HDDC2: variants seen among roughly 807,000 people sequenced by gnomAD.
The protein encoded by HDDC2 is HD domain containing 2, also known as 5'-deoxynucleotidase HDDC2.
HDDC2 carries 25 observed loss-of-function variants against 25.5 expected under a neutral mutation model. That is an observed-to-expected ratio of 0.98 (90% CI 0.72 to 1.37). HDDC2 has a LOEUF of 1.37. Ranked by LOEUF, HDDC2 falls within the 40% of genes most tolerant of loss-of-function variation. The probability of loss-of-function intolerance (pLI) is 0.00; values close to 1 mark genes in which losing one functional copy is unlikely to be tolerated. For missense variants in HDDC2, 264 were observed against 253.1 expected, an observed-to-expected ratio of 1.04 and a Z score of -0.29; for synonymous variants, 106 against 89.7, an observed-to-expected ratio of 1.18 and a Z score of -1.03.
intron 4 of HDDC2, among the ~76,000 whole-genome samples, chr6:125,288,388 C>T (rs776565926): frequency 6.6e-6 from 1 of 152,126 alleles, no homozygotes; most frequent in African/African-American, 2.4e-5. Flanking sequence ...GTCCCCACGG[C>T]ACAGAGTCTC....
chr6:125,291,791 C>G (rs956060028), intron 4 of HDDC2, among the ~76,000 whole-genome samples: 1 of 152,172 alleles, frequency 6.6e-6, no homozygotes, highest in African/African-American at 2.4e-5. Flanking sequence ...TTGCACCACA[C>G]CTGAATGCCT....
At chr6:125,301,173 T>C (rs1798796039) in intron 1 of HDDC2, among the ~76,000 whole-genome samples, 1 of 152,170 alleles carries the variant, frequency 6.6e-6, no homozygotes. Context: ...ACTGCATTTC[T>C]TCCTCAGAAT....
At chr6:125,300,238 A>G in intron 2 of HDDC2, 1 of 326,134 alleles carries the variant, frequency 3.1e-6, no homozygotes, top group Non-Finnish European at 5.7e-6. Flanking sequence ...CACACAGTGT[A>G]CTAATACAAT....
chr6:125,290,966 T>A (rs552405063), intron 4 of HDDC2, among the ~76,000 whole-genome samples: 1 of 152,346 alleles, frequency 6.6e-6, no homozygotes, highest in Non-Finnish European at 1.5e-5. Context: ...TACTGATGGC[T>A]AAGAAAATAA....
chr6:125,286,243 T>C (rs1282491482), intron 4 of HDDC2, among the ~76,000 whole-genome samples: 1 of 152,178 alleles, frequency 6.6e-6, no homozygotes, highest in East Asian at 1.9e-4. Flanking sequence ...TGGTTACTTG[T>C]AGAAGTAAAA....
At chr6:125,301,815 T>C in intron 1 of HDDC2, 34 bp downstream of exon 1, 1 of 1,505,822 alleles carries the variant, frequency 6.6e-7, no homozygotes, top group Non-Finnish European at 8.9e-7. Context: ...TCCCGCCCGC[T>C]CGGCCGCGGC....
intron 4 of HDDC2, among the ~76,000 whole-genome samples, chr6:125,282,580 A>G (rs919090810): frequency 2.6e-5 from 4 of 152,208 alleles, no homozygotes; most frequent in African/African-American, 9.7e-5. Context: ...TGCAAAGAAC[A>G]TCGACACTAT....
chr6:125,290,771 C>A (rs1174884879), intron 4 of HDDC2, among the ~76,000 whole-genome samples: 1 of 152,164 alleles, frequency 6.6e-6, no homozygotes, highest in African/African-American at 2.4e-5. Context: ...CTTTATCAGG[C>A]TTCATTAATT....
chr6:125,281,919 T>C (rs924682170), intron 4 of HDDC2, among the ~76,000 whole-genome samples: 1 of 151,544 alleles, frequency 6.6e-6, no homozygotes, highest in African/African-American at 2.4e-5. Flanking sequence ...AAGGTAGAAA[T>C]AGAGGAAAAA....
chr6:125,299,591 G>A (rs1371716170), intron 2 of HDDC2, among the ~76,000 whole-genome samples: 1 of 152,162 alleles, frequency 6.6e-6, no homozygotes, highest in East Asian at 1.9e-4. Context: ...GCCCAACAGT[G>A]TCCTCTGAGA....
intron 4 of HDDC2, among the ~76,000 whole-genome samples, chr6:125,285,031 G>A (rs1476416131): frequency 6.6e-6 from 1 of 152,072 alleles, no homozygotes; most frequent in East Asian, 1.9e-4. Context: ...GGATGAAGCT[G>A]GAAACCATCA....
At chr6:125,300,707 C>G (rs765925850) in intron 1 of HDDC2, 48 bp from the exon 2 acceptor site, 6 of 1,569,714 alleles carry the variant, frequency 3.8e-6, no homozygotes, top group Non-Finnish European at 5.2e-6. Flanking sequence ...CAAATATTAA[C>G]TATCTGCTAT....
At chr6:125,280,556 G>A (rs1342094638) in intron 4 of HDDC2, among the ~76,000 whole-genome samples, 2 of 152,224 alleles carry the variant, frequency 1.3e-5, no homozygotes, top group Non-Finnish European at 2.9e-5. Context: ...GGTAGGGGGA[G>A]GGGCGTCCGC....
chr6:125,293,413 G>A (rs532581691), intron 3 of HDDC2, among the ~76,000 whole-genome samples: 1 of 152,130 alleles, frequency 6.6e-6, no homozygotes, highest in Non-Finnish European at 1.5e-5. Context: ...ACAAATGAGC[G>A]ATTATTGCCA....
At chr6:125,289,926 T>C (rs1420402358) in intron 4 of HDDC2, among the ~76,000 whole-genome samples, 1 of 152,250 alleles carries the variant, frequency 6.6e-6, no homozygotes, top group Non-Finnish European at 1.5e-5. Context: ...CTTTCTGTGA[T>C]ACTTTCAGAA....
At chr6:125,276,949 T>C (rs1798378800) in intron 5 of HDDC2, 153 bp downstream of exon 5, 4 of 716,104 alleles carry the variant, frequency 5.6e-6, no homozygotes. Context: ...CCTCAGCCTC[T>C]TACCCGAATG....
chr6:125,281,419 T>G (rs1336179062), intron 4 of HDDC2, among the ~76,000 whole-genome samples: 2 of 152,138 alleles, frequency 1.3e-5, no homozygotes, highest in Non-Finnish European at 2.9e-5. Context: ...CTGAGCTAAA[T>G]GAGCATGTTC....
intron 4 of HDDC2, among the ~76,000 whole-genome samples, chr6:125,287,527 C>A (rs1798557729): frequency 6.6e-6 from 1 of 152,124 alleles, no homozygotes; most frequent in Admixed American, 6.5e-5. Flanking sequence ...CAGAAGAGAA[C>A]TGGCACAGGC....
Position 125,301,843 on chromosome 6 carries a change from G to GCTCACCTTGAGCTGCCCT in HDDC2, c.72_84+5dup. On this transcript the variant is annotated splice_donor_region_variant and intron_variant, in intron 1 of 5. Transcript: ENST00000398153. ...GCCGCGGCCTCCCGGCCTGGTGCCC[G>GCTCACCTTGAGCTGCCCT]CTCACCTTGAGCTGCCCTACCAGCC... The GCTCACCTTGAGCTGCCCT allele has an allele frequency of 6.5e-7, 1 of 1,539,598 alleles. No homozygotes were observed. Among genetic ancestry groups the GCTCACCTTGAGCTGCCCT allele is most frequent in the Admixed American group, 2.0e-5 (1 of 50,884 alleles).
Sources: allele counts gnomAD v4.1 joint callset (sites outside exome capture counted in the v4.1 genomes callset), GRCh38; gene constraint gnomAD v4.1.1; transcripts MANE v1.5; gene names NCBI Gene and HGNC (gene_info 2026-07-23, HGNC 2026-07-21).